The following EYS variants were observed in gnomAD, a reference collection of about 807,000 sequenced individuals.
The protein encoded by EYS is protein eyes shut homolog.
EYS carries 250 observed loss-of-function variants against 282.1 expected under a neutral mutation model. That is an observed-to-expected ratio of 0.89 (90% CI 0.80 to 0.98). The LOEUF is 0.98. EYS is among the 50% of genes least tolerant of loss of function. The probability of loss-of-function intolerance (pLI) is 0.00; values close to 1 mark genes in which losing one functional copy is unlikely to be tolerated. For synonymous variants in EYS, 1,355 were observed against 1,282.9 expected (o/e 1.06, Z -1.20); for missense variants, 4,016 against 3,709.0 (o/e 1.08, Z -2.15).
chr6:64,576,720 T>C (rs1217001105), intron 26 of EYS, among the ~76,000 whole-genome samples: 1 of 152,124 alleles, frequency 6.6e-6, no homozygotes, highest in African/African-American at 2.4e-5. Context: ...TACTAAATTA[T>C]GAAGAATATA....
At chr6:64,117,651 A>C (rs1162261183) in intron 31 of EYS, among the ~76,000 whole-genome samples, 1 of 151,884 alleles carries the variant, frequency 6.6e-6, no homozygotes, top group Non-Finnish European at 1.5e-5. Context: ...ACCAAGAATG[A>C]ATAGTAAAAA....
At chr6:65,163,280 C>T (rs1022492432) in intron 12 of EYS, among the ~76,000 whole-genome samples, 3 of 151,072 alleles carry the variant, frequency 2.0e-5, no homozygotes, top group Middle Eastern at 3.4e-3. Flanking sequence ...AAACACAGTT[C>T]GTAAGGTTTA....
intron 35 of EYS, among the ~76,000 whole-genome samples, chr6:63,865,792 A>G (rs1341224048): frequency 6.6e-6 from 1 of 152,188 alleles, no homozygotes; most frequent in Non-Finnish European, 1.5e-5. Context: ...ACTTAGAAAT[A>G]TGAAGGTGTT....
intron 14 of EYS, among the ~76,000 whole-genome samples, chr6:64,955,973 C>T (rs974088098): frequency 6.6e-6 from 1 of 152,130 alleles, no homozygotes; most frequent in African/African-American, 2.4e-5. Flanking sequence ...CTGACAAGAA[C>T]TCAGACCTCA....
At chr6:64,101,323 A>T (rs1029130530) in intron 31 of EYS, among the ~76,000 whole-genome samples, 1 of 152,114 alleles carries the variant, frequency 6.6e-6, no homozygotes, top group Non-Finnish European at 1.5e-5. Flanking sequence ...TAACAGCACC[A>T]TCTCTCTCAA....
At chr6:64,255,201 T>G (rs1291118759) in intron 30 of EYS, among the ~76,000 whole-genome samples, 4 of 151,986 alleles carry the variant, frequency 2.6e-5, no homozygotes, top group African/African-American at 7.2e-5. Flanking sequence ...ATGAACTACA[T>G]TATGAGTAAC....
At chr6:64,400,553 A>G (rs981486429) in intron 28 of EYS, 3 of 152,052 alleles carry the variant, frequency 2.0e-5, no homozygotes, top group African/African-American at 7.2e-5. Context: ...CAGCAGTTGT[A>G]TCTTTCCCCT....
chr6:64,624,898 T>C (rs1230681262), intron 23 of EYS, among the ~76,000 whole-genome samples: 3 of 152,142 alleles, frequency 2.0e-5, no homozygotes, highest in Non-Finnish European at 4.4e-5. Flanking sequence ...CAAGTCCTGC[T>C]ATGTTTCCCA....
intron 22 of EYS, among the ~76,000 whole-genome samples, chr6:64,739,310 A>T (rs1158196245): frequency 6.6e-6 from 1 of 152,196 alleles, no homozygotes; most frequent in African/African-American, 2.4e-5. Context: ...GGAACTTGTA[A>T]TATAGTAGTT....
At chr6:65,557,569 C>T (rs1439502917) in intron 2 of EYS, among the ~76,000 whole-genome samples, 1 of 152,158 alleles carries the variant, frequency 6.6e-6, no homozygotes, top group Non-Finnish European at 1.5e-5. Flanking sequence ...CATGTCACAG[C>T]CCTGGCTTGT....
intron 31 of EYS, among the ~76,000 whole-genome samples, chr6:64,144,856 T>C (rs946221183): frequency 1.3e-5 from 2 of 152,106 alleles, no homozygotes; most frequent in Non-Finnish European, 2.9e-5. Flanking sequence ...GAAAAAATGC[T>C]CTTTTTTTCC....
Position 64,200,977 on chromosome 6 carries a change from A to G in EYS, c.6424+29615T>C, listed in dbSNP as rs151066311. Among the ~76,000 whole-genome samples, 9 of 152,232 alleles carry G rather than the reference A, an allele frequency of 5.9e-5. No homozygotes were observed. The South Asian group carries it at 1.0e-3, about 18-fold the overall frequency. ...TGTCTTATTGGACTGAAACTGTCCA[A>G]ACTGATCCATCTTCTTAGAAATTCA... On this transcript the variant is annotated intron_variant, in intron 31 of 42. Coordinates refer to ENST00000503581, the MANE Select transcript of EYS (RefSeq NM_001142800.2).
chr6:65,460,074 T>TACACAC (rs71002308), intron 5 of EYS, among the ~76,000 whole-genome samples: 1,988 of 135,288 alleles, frequency 0.015, 31 homozygotes, highest in South Asian at 0.035. Flanking sequence ...TATATATGTA[T>TACACAC]ACACACACAC....
intron 22 of EYS, among the ~76,000 whole-genome samples, chr6:64,629,884 T>C (rs954301135): frequency 6.6e-6 from 1 of 152,186 alleles, no homozygotes; most frequent in Non-Finnish European, 1.5e-5. Context: ...TACATACCTT[T>C]TATTTCTTTT....
Position 65,371,682 on chromosome 6 carries a change from C to A in EYS, c.1299+12704G>T, listed in dbSNP as rs967556022. 1.7e-4 allele frequency among the ~76,000 whole-genome samples: 25 copies of A among 145,778 alleles called. 1 individual carries two copies. The highest frequency in any genetic ancestry group is 6.2e-4 in the Admixed American group (9 of 14,438). ...TCTCTGCAAAGTTTAATTATGTGAG[C>A]CTTCAAATTCCTCTCTCTCTCTCTC... On this transcript the variant is annotated intron_variant, in intron 8 of 42. Transcript: ENST00000503581.
chr6:64,605,519 GT>G (rs558718264), intron 24 of EYS, among the ~76,000 whole-genome samples: 159 of 151,670 alleles, frequency 1.0e-3, no homozygotes, highest in African/African-American at 3.7e-3. Flanking sequence ...AATATATATA[GT>G]TATATATAAC....
chr6:65,384,210 C>T (rs909967600), intron 8 of EYS, among the ~76,000 whole-genome samples, 176 bp downstream of exon 8: 3 of 151,772 alleles, frequency 2.0e-5, no homozygotes, highest in Non-Finnish European at 4.4e-5. Flanking sequence ...TCCCTCCCAA[C>T]ATAATTCTTA....
At chr6:65,175,319 G>A (rs191034495) in intron 12 of EYS, among the ~76,000 whole-genome samples, 1 of 151,342 alleles carries the variant, frequency 6.6e-6, no homozygotes, top group Non-Finnish European at 1.5e-5. Context: ...CACAGGAGAT[G>A]TGCTTAAGCT....
intron 5 of EYS, among the ~76,000 whole-genome samples, chr6:65,480,558 A>C (rs1349334157): frequency 6.6e-6 from 1 of 152,132 alleles, no homozygotes; most frequent in Non-Finnish European, 1.5e-5. Context: ...TTTATTTACT[A>C]CTTTATGGAC....
Sources: gnomAD v4.1 joint callset for allele counts (sites outside exome capture counted in the v4.1 genomes callset) on GRCh38, gnomAD v4.1.1 for gene constraint, MANE v1.5 for transcripts, NCBI Gene and HGNC (gene_info 2026-07-23, HGNC 2026-07-21) for gene names.